The following CACNA1A variants were observed in gnomAD, a reference collection of about 807,000 sequenced individuals.
CACNA1A encodes the protein voltage-dependent P/Q-type calcium channel subunit alpha-1A.
A neutral mutation model predicts 262.4 loss-of-function variants in CACNA1A; 57 were observed. The observed-to-expected ratio is 0.22, with a 90% confidence interval of 0.18 to 0.27. The LOEUF (loss-of-function observed/expected upper bound fraction) is 0.27. Ranked by LOEUF, CACNA1A falls within the 10% of genes least tolerant of loss-of-function variation. CACNA1A has a pLI of 1.00. For synonymous variants in CACNA1A, 1,431 were observed against 1,419.3 expected, an observed-to-expected ratio of 1.01 and a Z score of -0.18; for missense variants, 2,526 against 3,562.8, an observed-to-expected ratio of 0.71 and a Z score of 7.41.
At chr19:13,497,941 C>A (rs1981886755) in intron 1 of CACNA1A, among the ~76,000 whole-genome samples, 1 of 151,778 alleles carries the variant, frequency 6.6e-6, no homozygotes, top group Non-Finnish European at 1.5e-5. Context: ...GTGGACTGTT[C>A]CCAAGCTCTA....
At chr19:13,479,395 A>T (rs987494864) in intron 1 of CACNA1A, among the ~76,000 whole-genome samples, 2 of 152,164 alleles carry the variant, frequency 1.3e-5, no homozygotes. Context: ...GAGAAGAACA[A>T]TGCAGACAGA....
At chr19:13,471,182 AC>A (rs1172167084) in intron 1 of CACNA1A, among the ~76,000 whole-genome samples, 1 of 151,684 alleles carries the variant, frequency 6.6e-6, no homozygotes, top group Non-Finnish European at 1.5e-5. Flanking sequence ...ATCCAGGATG[AC>A]CTCATCTCAA....
At chr19:13,425,337 T>C (rs912773248) in intron 3 of CACNA1A, among the ~76,000 whole-genome samples, 1 of 152,134 alleles carries the variant, frequency 6.6e-6, no homozygotes, top group African/African-American at 2.4e-5. Context: ...GTCTAACCCA[T>C]GGAACTGCTG....
intron 1 of CACNA1A, among the ~76,000 whole-genome samples, chr19:13,474,557 G>T (rs1425460317): frequency 6.6e-6 from 1 of 152,200 alleles, no homozygotes; most frequent in Non-Finnish European, 1.5e-5. Context: ...GGTGGCTTAC[G>T]CCTGTAATCC....
At chr19:13,231,089 G>A (rs994782307) in intron 35 of CACNA1A, among the ~76,000 whole-genome samples, 2 of 151,152 alleles carry the variant, frequency 1.3e-5, no homozygotes. Flanking sequence ...CTGCAGCCTC[G>A]ACCTCCAAGG....
chr19:13,433,256 G>T (rs1030910393), intron 3 of CACNA1A, among the ~76,000 whole-genome samples: 3 of 146,840 alleles, frequency 2.0e-5, no homozygotes, highest in African/African-American at 7.6e-5. Context: ...TTGCGCCACT[G>T]CACTCCAGCC....
rs1256731049 is a variant in CACNA1A, at chr19:13,286,578, C to A, written c.3478G>T (p.Ala1160Ser). The change falls in exon 20 of 47, where the codon GCC becomes TCC. Residue 1160 changes from alanine (A) to serine (S), a missense_variant. Ala to Ser is a moderately conservative substitution (Grantham distance 99, BLOSUM62 1). Coordinates refer to ENST00000360228, the MANE Select transcript of CACNA1A (RefSeq NM_001127222.2). ...SGTQTNSAKT[A>S]RKPDHTTVDI... is the part of the protein sequence containing the mutation. Reference sequence around the variant, plus strand: ...ACTGTGGTGTGGTCGGGTTTCCTGGCAGTCTTAGCTGAATTGGTCTGGGTG... The same window carrying A: ...ACTGTGGTGTGGTCGGGTTTCCTGGAAGTCTTAGCTGAATTGGTCTGGGTG... The A allele has an allele frequency of 1.9e-6, 3 of 1,544,888 alleles. No individual in the cohort carries two copies. The highest frequency in any genetic ancestry group is 2.6e-6 in the Non-Finnish European group (3 of 1,150,596).
chr19:13,347,766 T>C (rs1194751851), intron 6 of CACNA1A, among the ~76,000 whole-genome samples: 1 of 152,204 alleles, frequency 6.6e-6, no homozygotes, highest in Non-Finnish European at 1.5e-5. Context: ...CAATGATGGT[T>C]GTTGAATGAA....
rs372925573 is a variant in CACNA1A at position 13,452,868 on chromosome 19, C to A, written c.539+8G>T. On this transcript the variant is annotated splice_region_variant and intron_variant, in intron 3 of 46. Transcript: ENST00000360228. ...TTAAATCCAAAGCGTATAGCACGCGCCACTTACCCCGTTAGCACCACCACA... is the reference window on the plus strand; with the variant it reads ...TTAAATCCAAAGCGTATAGCACGCGACACTTACCCCGTTAGCACCACCACA... 2 of 1,613,146 alleles carry A rather than the reference C, an allele frequency of 1.2e-6. No homozygotes were observed. The highest frequency in any genetic ancestry group is 2.7e-5 in the African/African-American group (2 of 74,892).
intron 3 of CACNA1A, among the ~76,000 whole-genome samples, chr19:13,383,660 C>G (rs1344032786): frequency 1.3e-5 from 2 of 152,114 alleles, no homozygotes; most frequent in Non-Finnish European, 2.9e-5. Context: ...CCTCTGCCGT[C>G]CCCATTCCTT....
chr19:13,398,417 C>T (rs1216249363), intron 3 of CACNA1A, among the ~76,000 whole-genome samples: 1 of 152,174 alleles, frequency 6.6e-6, no homozygotes, highest in Non-Finnish European at 1.5e-5. Flanking sequence ...GTAACTAATA[C>T]ACTTGGGCAG....
At chr19:13,495,964 C>A (rs1981458261) in intron 1 of CACNA1A, among the ~76,000 whole-genome samples, 1 of 152,046 alleles carries the variant, frequency 6.6e-6, no homozygotes, top group African/African-American at 2.4e-5. Context: ...TATCCACCCA[C>A]CTACCCTCCA....
rs150480227 is a variant in CACNA1A at position 13,301,437 on chromosome 19, G to A, written c.2173-781C>T. ...TCAACAGCCCCCAGAAGGAGAATGA[G>A]GAGAGGAATTTATATTCCCAGCCCC... On this transcript the variant is annotated intron_variant, in intron 17 of 46. Transcript: ENST00000360228. Among the ~76,000 whole-genome samples, 561 of 152,322 alleles carry A rather than the reference G, an allele frequency of 3.7e-3. 2 individuals are homozygous for A. The highest frequency in any genetic ancestry group is 0.012 in the African/African-American group (518 of 41,574).
intron 35 of CACNA1A, 140 bp from the exon 36 acceptor site, chr19:13,230,349 G>A (rs2055619898): frequency 2.5e-6 from 2 of 805,914 alleles, no homozygotes; most frequent in Admixed American, 5.3e-5. Context: ...GAGAGGGATA[G>A]AGAGAAGATG....
chr19:13,457,889 C>T (rs546892064), intron 1 of CACNA1A, among the ~76,000 whole-genome samples: 1 of 149,316 alleles, frequency 6.7e-6, no homozygotes, highest in South Asian at 2.1e-4. Flanking sequence ...AGTACTGATA[C>T]ATGATAGAAC....
rs1270399331 is a variant in CACNA1A at position 13,299,085 on chromosome 19, C to T, written c.2548G>A (p.Gly850Ser). 3.1e-6 allele frequency: 5 copies of T among 1,610,698 alleles called. No homozygotes were observed. The highest frequency in any genetic ancestry group is 3.3e-5 in the Admixed American group (2 of 59,904). Reference sequence around the variant, plus strand: ...AGGAAGTCCTCGGCGCGCTGCTGGCCGAGGCGCTGGTCCACGGTGGGCTCG... The same window carrying T: ...AGGAAGTCCTCGGCGCGCTGCTGGCTGAGGCGCTGGTCCACGGTGGGCTCG... ...AAEPTVDQRLGQQRAEDFLRK... is the reference protein window; with the variant it reads ...AAEPTVDQRLSQQRAEDFLRK... The change falls in exon 19 of 47, where the codon GGC (glycine) becomes AGC (serine). Residue 850 changes from glycine to serine, a missense_variant. Coordinates refer to ENST00000360228, the MANE Select transcript of CACNA1A (RefSeq NM_001127222.2).
At chr19:13,458,304 T>C (rs2061052398) in intron 1 of CACNA1A, among the ~76,000 whole-genome samples, 1 of 151,956 alleles carries the variant, frequency 6.6e-6, no homozygotes, top group African/African-American at 2.4e-5. Context: ...GGACTACAGG[T>C]GCACAACACC....
chr19:13,419,987 G>A (rs2060290710), intron 3 of CACNA1A, among the ~76,000 whole-genome samples: 1 of 151,990 alleles, frequency 6.6e-6, no homozygotes, highest in Admixed American at 6.6e-5. Context: ...TCAGGAGACT[G>A]AGGCAGGAGA....
intron 10 of CACNA1A, among the ~76,000 whole-genome samples, chr19:13,319,673 TA>T (rs951556052): frequency 6.6e-5 from 10 of 152,328 alleles, no homozygotes; most frequent in African/African-American, 2.4e-4. Flanking sequence ...GGTCCACATT[TA>T]AAAACTGGGA....
Sources: gnomAD v4.1 joint callset for allele counts (sites outside exome capture counted in the v4.1 genomes callset) on GRCh38, gnomAD v4.1.1 for gene constraint, MANE v1.5 for transcripts, NCBI Gene and HGNC (gene_info 2026-07-23, HGNC 2026-07-21) for gene names.